The following SHISA9 variants were observed in gnomAD, a reference collection of about 807,000 sequenced individuals.
SHISA9 encodes the protein protein shisa-9.
In SHISA9, 13 loss-of-function variants were observed where a neutral mutation model predicts 38.0. The ratio of observed to expected loss-of-function variants is 0.34; its 90% CI spans 0.22 to 0.54. The LOEUF (loss-of-function observed/expected upper bound fraction) is 0.54, where lower values mean the gene tolerates loss of function less well. Among genes scored for constraint, SHISA9 ranks in the 20% least tolerant of loss-of-function variants. The pLI, the probability that SHISA9 is intolerant of heterozygous loss-of-function variation, is 0.91. For synonymous variants in SHISA9, 275 were observed against 242.0 expected (o/e 1.14, Z -1.27); for missense variants, 538 against 575.8 (o/e 0.93, Z 0.67).
chr16:13,400,566 G>T, the SHISA9 span, among the ~76,000 whole-genome samples: 3 of 152,162 alleles, frequency 2.0e-5, no homozygotes, highest in Admixed American at 1.3e-4. Context: ...TAACAGGAGG[G>T]CTTCAGCCAC....
rs1176982792 is a variant in SHISA9 at position 12,908,416 on chromosome 16, A to C, written c.563+5789A>C. The C allele has an allele frequency of 1.9e-6, 3 of 1,543,216 alleles. No individual in the cohort carries two copies. The African/African-American group carries it at 4.1e-5, about 21-fold the overall frequency. ...GTTGAAAAATCCTTGTTGGTTTTGC[A>C]ATTTTGCCATAAGCTTATGTGTAAA... On this transcript the variant is annotated intron_variant, in intron 1 of 4. Transcript: ENST00000558583.
chr16:13,223,435 A>T (rs1358369601), intron 4 of SHISA9, among the ~76,000 whole-genome samples: 1 of 152,112 alleles, frequency 6.6e-6, no homozygotes, highest in Non-Finnish European at 1.5e-5. Flanking sequence ...GCATATTTCC[A>T]AACTTTGTTA....
At chr16:13,451,314 A>C in the SHISA9 span, among the ~76,000 whole-genome samples, 1 of 152,128 alleles carries the variant, frequency 6.6e-6, no homozygotes, top group African/African-American at 2.4e-5. Flanking sequence ...AACCACTTGC[A>C]CTTGAATCCC....
At chr16:13,455,727 A>T in the SHISA9 span, among the ~76,000 whole-genome samples, 1 of 152,166 alleles carries the variant, frequency 6.6e-6, no homozygotes, top group African/African-American at 2.4e-5. Context: ...TGCATCTGCA[A>T]TTACCCCTCA....
chr16:13,456,484 C>T, the SHISA9 span, among the ~76,000 whole-genome samples: 4 of 152,270 alleles, frequency 2.6e-5, no homozygotes, highest in African/African-American at 9.6e-5. Context: ...TCTGGGATGC[C>T]GATGTCCATT....
At chr16:13,487,512 G>A in the SHISA9 span, among the ~76,000 whole-genome samples, 2 of 152,202 alleles carry the variant, frequency 1.3e-5, no homozygotes, top group Non-Finnish European at 2.9e-5. Context: ...AACTCAGACA[G>A]AGAACTCATT....
At chr16:13,118,956 T>C (rs1050550980) in intron 2 of SHISA9, among the ~76,000 whole-genome samples, 37 of 152,234 alleles carry the variant, frequency 2.4e-4, no homozygotes, top group African/African-American at 8.4e-4. Flanking sequence ...GGTCTTGAAC[T>C]CCTGACCTCA....
chr16:13,024,235 C>T (rs540443511), intron 2 of SHISA9, among the ~76,000 whole-genome samples: 1 of 152,354 alleles, frequency 6.6e-6, no homozygotes, highest in Admixed American at 6.5e-5. Flanking sequence ...ATAAAGGAAG[C>T]ATTTGCATGG....
chr16:13,384,740 GACACAA>G, the SHISA9 span, among the ~76,000 whole-genome samples: 1 of 152,198 alleles, frequency 6.6e-6, no homozygotes, highest in Non-Finnish European at 1.5e-5. Flanking sequence ...TGATCTGCTA[GACACAA>G]ACACAAAGAT....
At chr16:13,288,201 G>A in the SHISA9 span, among the ~76,000 whole-genome samples, 4 of 152,092 alleles carry the variant, frequency 2.6e-5, no homozygotes, top group Non-Finnish European at 5.9e-5. Flanking sequence ...AGAGATAAGA[G>A]AAAAATGGGA....
intron 2 of SHISA9, 154 bp from the exon 3 acceptor site, chr16:13,203,240 T>C: frequency 1.7e-6 from 1 of 594,228 alleles, no homozygotes. Flanking sequence ...ATGAACTCAA[T>C]TGTGTCCCAT....
At chr16:13,251,706 C>T in the SHISA9 span, among the ~76,000 whole-genome samples, 1 of 152,168 alleles carries the variant, frequency 6.6e-6, no homozygotes, top group Non-Finnish European at 1.5e-5. Flanking sequence ...CCAAGCCCCT[C>T]CTCCTTTTCT....
At chr16:12,933,203 A>G (rs1317834724) in intron 2 of SHISA9, among the ~76,000 whole-genome samples, 2 of 152,096 alleles carry the variant, frequency 1.3e-5, no homozygotes, top group Non-Finnish European at 2.9e-5. Context: ...TCTCTAAGCT[A>G]TTTCCCTGCA....
chr16:13,232,147 A>G (rs2051337394), intron 4 of SHISA9, among the ~76,000 whole-genome samples: 1 of 152,222 alleles, frequency 6.6e-6, no homozygotes, highest in Non-Finnish European at 1.5e-5. Flanking sequence ...ACCTTTATGT[A>G]AGTTCACATG....
rs562238306 is a variant in SHISA9 at position 13,216,374 on chromosome 16, A to C, written c.895+3074A>C. Among the ~76,000 whole-genome samples, 110 of 152,170 alleles carry C rather than the reference A, an allele frequency of 7.2e-4. 2 individuals carry two copies. The highest frequency in any genetic ancestry group is 1.0e-3 in the Non-Finnish European group (68 of 68,032). ...CTACCTCCTAGGTCGTTGTGAGATA[A>C]GGTGTTGAAAACACGTGTCATAGTA... On this transcript the variant is annotated intron_variant, in intron 4 of 4. Transcript: ENST00000558583.
intron 2 of SHISA9, among the ~76,000 whole-genome samples, chr16:12,945,675 C>A (rs2071678860): frequency 6.6e-6 from 1 of 152,134 alleles, no homozygotes; most frequent in Non-Finnish European, 1.5e-5. Flanking sequence ...GTTTTCCCAA[C>A]TGAAAAATTG....
intron 2 of SHISA9, among the ~76,000 whole-genome samples, chr16:13,054,302 GA>G (rs1440212969): frequency 6.6e-6 from 1 of 152,184 alleles, no homozygotes; most frequent in Admixed American, 6.5e-5. Context: ...GGTGAAATAA[GA>G]AAAACCTGTG....
chr16:13,485,158 A>G, the SHISA9 span, among the ~76,000 whole-genome samples: 1 of 151,818 alleles, frequency 6.6e-6, no homozygotes, highest in Non-Finnish European at 1.5e-5. Context: ...CCCCACATGC[A>G]TTAGGTATGT....
At chr16:13,029,755 T>C (rs897436721) in intron 2 of SHISA9, among the ~76,000 whole-genome samples, 8 of 152,216 alleles carry the variant, frequency 5.3e-5, no homozygotes. Flanking sequence ...TAAAAACAAT[T>C]GAACCCATCT....
Sources: allele counts gnomAD v4.1 joint callset (sites outside exome capture counted in the v4.1 genomes callset), GRCh38; gene constraint gnomAD v4.1.1; transcripts MANE v1.5; gene names NCBI Gene and HGNC (gene_info 2026-07-23, HGNC 2026-07-21).